The following DOCK9 variants were observed in gnomAD, a reference collection of about 807,000 sequenced individuals.
DOCK9 encodes the protein dedicator of cytokinesis protein 9.
DOCK9 carries 89 observed loss-of-function variants against 263.3 expected under a neutral mutation model. The observed-to-expected ratio is 0.34, with a 90% CI of 0.28 to 0.40. The LOEUF is 0.40. Among genes scored for constraint, DOCK9 ranks in the 10% least tolerant of loss-of-function variants. DOCK9 has a pLI of 1.00. For missense variants in DOCK9, 2,140 were observed against 2,603.4 expected, an observed-to-expected ratio of 0.82 and a Z score of 3.87; for synonymous variants, 976 against 973.1, an observed-to-expected ratio of 1.00 and a Z score of -0.06.
intron 1 of DOCK9, among the ~76,000 whole-genome samples, chr13:99,081,574 C>T (rs532072977): frequency 6.6e-6 from 1 of 152,310 alleles, no homozygotes; most frequent in Admixed American, 6.5e-5. Flanking sequence ...TCAGCATGCC[C>T]ATGCAAAGGG....
intron 49 of DOCK9, among the ~76,000 whole-genome samples, chr13:98,801,057 T>C (rs2090054118): frequency 1.3e-5 from 2 of 152,188 alleles, no homozygotes; most frequent in Admixed American, 1.3e-4. Context: ...GGCTGGTAGA[T>C]CACTTGAGCC....
At chr13:98,892,094 C>T (rs73556993) in intron 15 of DOCK9, among the ~76,000 whole-genome samples, 351 of 152,208 alleles carry the variant, frequency 2.3e-3, no homozygotes, top group African/African-American at 7.9e-3. Flanking sequence ...AACATGAAAA[C>T]TCATCTTAAA....
intron 38 of DOCK9, chr13:98,845,337 A>G (rs754940502): frequency 7.3e-7 from 1 of 1,360,824 alleles, no homozygotes; most frequent in Non-Finnish European, 9.8e-7. Flanking sequence ...ACCATTGTCT[A>G]CAGAAATTCC....
Position 98,794,359 on chromosome 13 carries a change from T to C in DOCK9, c.*267A>G. 2.2e-6 allele frequency: 1 copy of C among 459,018 alleles called. No homozygotes were observed. Among genetic ancestry groups the C allele is most frequent in the Non-Finnish European group, 3.8e-6 (1 of 262,722 alleles). 28.4% of individuals were successfully genotyped at this position (459,018 alleles called of 1,614,324 possible). A position where few individuals can be genotyped will look rare whatever the true frequency, so the allele number is the denominator to read the frequency against. ...CACTACTCTGCAAGGAAGAATAAAA[T>C]CTAAGTCCAGCTCAAGAGTGTCTAC... On this transcript the variant is annotated 3_prime_UTR_variant, in exon 53 of 53. Transcript: ENST00000682017.
chr13:98,886,704 G>A, intron 18 of DOCK9, 80 bp from the exon 19 acceptor site: 2 of 1,331,552 alleles, frequency 1.5e-6, no homozygotes, highest in Admixed American at 3.8e-5. Context: ...TAAAGGAGGA[G>A]GCATTCCTAC....
chr13:98,860,481 C>A lies in DOCK9; in HGVS notation c.3621G>T (p.Pro1207=). 6.3e-7 allele frequency: 1 copy of A among 1,584,512 alleles called. No homozygotes were observed. Among genetic ancestry groups the A allele is most frequent in the Non-Finnish European group, 8.6e-7 (1 of 1,164,144 alleles). ...TGCTTCCCTTCTGCGGCGTCACCAG[C>A]GGATTCACAGCTGGTAGAGCCAGGG... is the stretch of plus-strand genomic sequence containing the variant. ...DESLALPAVN[P]LVTPQKGSTL... Residue 1207 remains proline (P), a synonymous_variant, in exon 33 of 53, where the codon CCG becomes CCT. Coordinates refer to ENST00000682017, the MANE Select transcript of DOCK9 (RefSeq NM_001366683.2).
intron 1 of DOCK9, among the ~76,000 whole-genome samples, chr13:98,969,103 G>T (rs2059477386): frequency 6.6e-6 from 1 of 152,184 alleles, no homozygotes; most frequent in Non-Finnish European, 1.5e-5. Context: ...GCTAAGAGAG[G>T]AACAGGAAGG....
chr13:98,806,906 C>T (rs2090784143), intron 48 of DOCK9, among the ~76,000 whole-genome samples: 1 of 138,690 alleles, frequency 7.2e-6, no homozygotes, highest in African/African-American at 2.5e-5. Context: ...CAGACTCCAT[C>T]TCAAAAAAAA....
intron 1 of DOCK9, among the ~76,000 whole-genome samples, chr13:98,960,856 T>C (rs1235181855): frequency 6.6e-6 from 1 of 152,244 alleles, no homozygotes; most frequent in Non-Finnish European, 1.5e-5. Context: ...ATTTTCAGTT[T>C]CAGGGAGGAA....
chr13:99,018,779 T>C (rs4142333), intron 1 of DOCK9, among the ~76,000 whole-genome samples: 33,898 of 152,202 alleles, frequency 0.22, 3,784 homozygotes, highest in Middle Eastern at 0.31. Context: ...ATGGTATCTA[T>C]TGGCAACCAG....
chr13:98,873,485 C>A (rs1455427657), intron 27 of DOCK9, among the ~76,000 whole-genome samples: 8 of 152,168 alleles, frequency 5.3e-5, no homozygotes, highest in Non-Finnish European at 1.5e-5. Flanking sequence ...TTCATGGATA[C>A]CCAAAGTAAA....
chr13:98,943,675 A>G (rs1285042541), intron 2 of DOCK9, among the ~76,000 whole-genome samples: 1 of 152,224 alleles, frequency 6.6e-6, no homozygotes. Flanking sequence ...TTAAGTGTCT[A>G]CTATGGATAA....
chr13:99,058,845 G>A (rs2041051427), intron 1 of DOCK9, among the ~76,000 whole-genome samples: 1 of 152,118 alleles, frequency 6.6e-6, no homozygotes, highest in Non-Finnish European at 1.5e-5. Flanking sequence ...CAGCACCCAT[G>A]GCCCTTACCA....
At chr13:98,917,784 G>C (rs1391894721) in intron 7 of DOCK9, among the ~76,000 whole-genome samples, 3 of 151,972 alleles carry the variant, frequency 2.0e-5, no homozygotes, top group Non-Finnish European at 2.9e-5. Flanking sequence ...AATAACTAAA[G>C]TTACCAAAGT....
chr13:98,824,581 G>C (rs1371054284), intron 44 of DOCK9, 77 bp from the exon 45 acceptor site: 17 of 1,256,452 alleles, frequency 1.4e-5, no homozygotes, highest in Non-Finnish European at 2.0e-5. Flanking sequence ...TTCCTGCCCT[G>C]TGTGTTTCTG....
rs1468092915 is a variant in DOCK9 at position 98,883,065 on chromosome 13, T to C, written c.2536A>G (p.Asn846Asp). Reference protein sequence around the residue: ...KTESGAQALGNELVKYLKSLH... With the variant: ...KTESGAQALGDELVKYLKSLH... ...ACCTTAAGGTACTTTACAAGTTCGTTTCCTAAGGCTTGGGCTCCAGATTCG... is the reference window on the plus strand; with the variant it reads ...ACCTTAAGGTACTTTACAAGTTCGTCTCCTAAGGCTTGGGCTCCAGATTCG... Residue 846 changes from asparagine (N) to aspartate (D), a missense_variant, in exon 23 of 53, where the codon AAC (asparagine) becomes GAC (aspartate). Physicochemically the swap from Asn to Asp is conservative, Grantham distance 23. Transcript: ENST00000682017. The C allele has an allele frequency of 6.2e-6, 10 of 1,613,770 alleles. No homozygotes were observed. The highest frequency in any genetic ancestry group is 8.5e-6 in the Non-Finnish European group (10 of 1,179,856).
intron 21 of DOCK9, 101 bp from the exon 22 acceptor site, chr13:98,884,000 A>G: frequency 1.2e-6 from 1 of 809,280 alleles, no homozygotes; most frequent in Non-Finnish European, 1.9e-6. Context: ...AAGAGGGCCC[A>G]GAGAACTTTA....
chr13:98,937,610 A>C (rs2055093633), intron 2 of DOCK9, among the ~76,000 whole-genome samples: 1 of 152,208 alleles, frequency 6.6e-6, no homozygotes, highest in Non-Finnish European at 1.5e-5. Flanking sequence ...ATAATTAAAA[A>C]GGAAGAAAAA....
chr13:98,895,051 CAGG>C (rs930501899), intron 15 of DOCK9, among the ~76,000 whole-genome samples: 5 of 146,748 alleles, frequency 3.4e-5, no homozygotes, highest in African/African-American at 1.3e-4. Context: ...GAGGCTGAGG[CAGG>C]AGAATTGCTT....
Sources: gnomAD v4.1 joint callset for allele counts (sites outside exome capture counted in the v4.1 genomes callset) on GRCh38, gnomAD v4.1.1 for gene constraint, MANE v1.5 for transcripts, NCBI Gene and HGNC (gene_info 2026-07-23, HGNC 2026-07-21) for gene names.